DGKI: variants seen among roughly 807,000 people sequenced by gnomAD.
DGKI encodes the protein diacylglycerol kinase iota, also known as DAG kinase iota.
In DGKI, 55 loss-of-function variants were observed where a neutral mutation model predicts 147.5. The observed-to-expected ratio is 0.37, with a 90% CI of 0.30 to 0.47. The LOEUF is 0.47. Among genes scored for constraint, DGKI ranks in the 20% least tolerant of loss-of-function variants. The pLI, the probability that DGKI is intolerant of heterozygous loss-of-function variation, is 1.00. For synonymous variants in DGKI, 469 were observed against 477.1 expected (o/e 0.98, Z 0.22); for missense variants, 1,007 against 1,323.8 (o/e 0.76, Z 3.71).
intron 1 of DGKI, among the ~76,000 whole-genome samples, chr7:137,831,519 G>C (rs1028590591): frequency 6.6e-6 from 1 of 152,160 alleles, no homozygotes; most frequent in Non-Finnish European, 1.5e-5. Flanking sequence ...TATCTCATGA[G>C]ACTTATTTAC....
intron 1 of DGKI, among the ~76,000 whole-genome samples, chr7:137,715,916 C>T (rs138300523): frequency 1.6e-3 from 251 of 152,220 alleles, no homozygotes; most frequent in African/African-American, 5.8e-3. Context: ...AGTGTGCTGT[C>T]AAGAGGGGAA....
chr7:137,603,351 T>G (rs1820060725), intron 10 of DGKI, among the ~76,000 whole-genome samples: 1 of 152,174 alleles, frequency 6.6e-6, no homozygotes, highest in Non-Finnish European at 1.5e-5. Flanking sequence ...TTGGTTTATA[T>G]CATGCAGGCA....
chr7:137,669,190 G>A (rs1325952406), intron 3 of DGKI, among the ~76,000 whole-genome samples: 2 of 152,130 alleles, frequency 1.3e-5, no homozygotes, highest in East Asian at 1.9e-4. Flanking sequence ...AGGCATCAAT[G>A]CAGGATTTTC....
intron 6 of DGKI, among the ~76,000 whole-genome samples, chr7:137,642,929 AGTGTGTGTGTGTGTGTGTGT>A (rs1207086851): frequency 8.3e-6 from 1 of 121,170 alleles, no homozygotes; most frequent in Admixed American, 8.6e-5. Flanking sequence ...ATTATGGAAT[AGTGTGTGTGTGTGTGTGTGT>A]GTGTGTGTGT....
intron 1 of DGKI, among the ~76,000 whole-genome samples, chr7:137,706,605 C>T (rs1182559491): frequency 8.9e-5 from 13 of 145,898 alleles, no homozygotes; most frequent in African/African-American, 3.3e-4. Flanking sequence ...CACAGTCTCG[C>T]TGTGTAGCCT....
intron 3 of DGKI, among the ~76,000 whole-genome samples, chr7:137,673,683 T>C (rs754270756): frequency 6.6e-6 from 1 of 152,198 alleles, no homozygotes; most frequent in Non-Finnish European, 1.5e-5. Context: ...TGACCACCCA[T>C]GCTACCCATC....
At chr7:137,435,321 TAA>T (rs1813239299) in intron 28 of DGKI, among the ~76,000 whole-genome samples, 1 of 152,144 alleles carries the variant, frequency 6.6e-6, no homozygotes, top group South Asian at 2.1e-4. Context: ...CATGGGCATT[TAA>T]GTTGTCAGGA....
At chr7:137,809,373 A>C (rs1797489532) in intron 1 of DGKI, among the ~76,000 whole-genome samples, 1 of 152,208 alleles carries the variant, frequency 6.6e-6, no homozygotes, top group Admixed American at 6.5e-5. Context: ...TGAAGCAATG[A>C]CAGGAGGAAT....
At chr7:137,539,100 T>C (rs1195288377) in intron 20 of DGKI, among the ~76,000 whole-genome samples, 2 of 152,178 alleles carry the variant, frequency 1.3e-5, no homozygotes, top group African/African-American at 4.8e-5. Context: ...CTTTTCACTA[T>C]TTCTGGCAGC....
chr7:137,559,547 G>C, intron 19 of DGKI, among the ~76,000 whole-genome samples: 1 of 152,196 alleles, frequency 6.6e-6, no homozygotes, highest in African/African-American at 2.4e-5. Context: ...AAAAAAAATA[G>C]TAGCAATTAT....
rs142564282 is a variant in DGKI, at chr7:137,710,100, G to A, written c.402-20098C>T. The stretch of plus-strand genomic sequence containing the variant: ...ACAGAGAGAATTGAAGAGAGAATTG[G>A]GTACAGACAATATTTAAAGACATAT... On this transcript the variant is annotated intron_variant, in intron 1 of 32. Coordinates refer to ENST00000614521, the MANE Select transcript of DGKI (RefSeq NM_001321708.2). 3.1e-3 allele frequency among the ~76,000 whole-genome samples: 465 copies of A among 151,920 alleles called. 2 individuals carry two copies. The highest frequency in any genetic ancestry group is 1.0e-2 in the African/African-American group (413 of 41,506).
intron 6 of DGKI, among the ~76,000 whole-genome samples, chr7:137,630,889 C>T (rs1449206242): frequency 6.6e-6 from 1 of 152,064 alleles, no homozygotes; most frequent in Non-Finnish European, 1.5e-5. Flanking sequence ...TATGACAATG[C>T]TGATCCATGA....
chr7:137,770,937 C>T (rs117181764), intron 1 of DGKI, among the ~76,000 whole-genome samples: 3,098 of 152,166 alleles, frequency 0.02, 49 homozygotes, highest in Non-Finnish European at 0.031. Context: ...GAAAGAGTTA[C>T]CCACTTTACC....
At chr7:137,551,596 T>C (rs1023028844) in intron 20 of DGKI, among the ~76,000 whole-genome samples, 4 of 152,214 alleles carry the variant, frequency 2.6e-5, no homozygotes, top group Non-Finnish European at 4.4e-5. Context: ...CCAAAAATTA[T>C]GTTCATTTTC....
intron 1 of DGKI, among the ~76,000 whole-genome samples, chr7:137,697,751 A>G (rs1249119970): frequency 6.6e-6 from 1 of 152,284 alleles, no homozygotes; most frequent in Non-Finnish European, 1.5e-5. Context: ...ATTACTAAAT[A>G]AAAAGATTCT....
chr7:137,822,267 C>T (rs1164596585), intron 1 of DGKI, among the ~76,000 whole-genome samples: 2 of 151,954 alleles, frequency 1.3e-5, no homozygotes, highest in Non-Finnish European at 2.9e-5. Flanking sequence ...ATTAGTCAGG[C>T]GTGGTGGCAC....
chr7:137,438,213 T>C (rs1203436586), intron 28 of DGKI, among the ~76,000 whole-genome samples: 1 of 151,934 alleles, frequency 6.6e-6, no homozygotes, highest in African/African-American at 2.4e-5. Flanking sequence ...CATTAAAAAG[T>C]TCATAAATCA....
chr7:137,495,583 C>A (rs113588256), intron 21 of DGKI, among the ~76,000 whole-genome samples: 8 of 150,318 alleles, frequency 5.3e-5, no homozygotes, highest in African/African-American at 1.7e-4. Context: ...AAACCAAATC[C>A]AGCAACACAT....
At chr7:137,478,925 AT>A (rs1815272869) in intron 23 of DGKI, among the ~76,000 whole-genome samples, 1 of 152,204 alleles carries the variant, frequency 6.6e-6, no homozygotes, top group Non-Finnish European at 1.5e-5. Context: ...AATCTTAAAA[AT>A]ATGCGTCTTT....
Sources: gnomAD v4.1 joint callset for allele counts (sites outside exome capture counted in the v4.1 genomes callset) on GRCh38, gnomAD v4.1.1 for gene constraint, MANE v1.5 for transcripts, NCBI Gene and HGNC (gene_info 2026-07-23, HGNC 2026-07-21) for gene names.